The following PDE1C variants were observed in gnomAD, a reference collection of about 807,000 sequenced individuals.
PDE1C encodes the protein dual specificity calcium/calmodulin-dependent 3',5'-cyclic nucleotide phosphodiesterase 1C.
Under a neutral mutation model 93.1 loss-of-function variants are expected in PDE1C, and 62 were observed. That is an observed-to-expected ratio of 0.67 (90% CI 0.54 to 0.82). PDE1C has a LOEUF of 0.82. Ranked by LOEUF, PDE1C falls within the 40% of genes least tolerant of loss-of-function variation. The probability of loss-of-function intolerance (pLI) is 0.00; values close to 1 mark genes in which losing one functional copy is unlikely to be tolerated. For missense variants in PDE1C, 742 were observed against 884.6 expected, an observed-to-expected ratio of 0.84 and a Z score of 2.04; for synonymous variants, 325 against 310.1, an observed-to-expected ratio of 1.05 and a Z score of -0.50.
At chr7:31,866,406 G>C (rs905258812) in intron 6 of PDE1C, among the ~76,000 whole-genome samples, 19 of 152,276 alleles carry the variant, frequency 1.2e-4, no homozygotes, top group South Asian at 2.1e-4. Flanking sequence ...GTTTCACAGA[G>C]ATCTAAGAGT....
intron 2 of PDE1C, among the ~76,000 whole-genome samples, chr7:31,883,000 G>A (rs1230958319): frequency 1.3e-5 from 2 of 152,064 alleles, no homozygotes; most frequent in Non-Finnish European, 1.5e-5. Flanking sequence ...TGATTTCAAA[G>A]AATAAAGAAA....
chr7:31,951,077 G>A (rs528841588), intron 2 of PDE1C, among the ~76,000 whole-genome samples: 2 of 152,200 alleles, frequency 1.3e-5, no homozygotes, highest in East Asian at 1.9e-4. Flanking sequence ...TTTCTCTTGC[G>A]TGTACATATC....
intron 3 of PDE1C, among the ~76,000 whole-genome samples, chr7:32,164,775 C>T (rs1802126702): frequency 6.6e-6 from 1 of 152,194 alleles, no homozygotes; most frequent in Admixed American, 6.5e-5. Flanking sequence ...ACACCAGAGG[C>T]TGGGGAGACA....
intron 3 of PDE1C, among the ~76,000 whole-genome samples, chr7:32,147,272 A>AAAAGAAAGAAAG (rs3078683): frequency 0.022 from 2,131 of 96,562 alleles, 68 homozygotes; most frequent in Admixed American, 0.028. Context: ...AAGAAAGAAA[A>AAAAGAAAGAAAG]AAAGAAAGAA....
chr7:32,408,353 C>A (rs184552728), intron 1 of PDE1C, among the ~76,000 whole-genome samples: 1 of 152,260 alleles, frequency 6.6e-6, no homozygotes, highest in African/African-American at 2.4e-5. Flanking sequence ...CAACCACACA[C>A]AGAGGGAAGA....
the PDE1C span, chr7:31,651,143 G>A: frequency 6.2e-7 from 1 of 1,612,574 alleles, no homozygotes; most frequent in Non-Finnish European, 8.5e-7. Context: ...TGTTCTCAGT[G>A]CACAGTCCAT....
the PDE1C span, among the ~76,000 whole-genome samples, chr7:31,698,904 A>T: frequency 9.2e-5 from 14 of 152,180 alleles, no homozygotes; most frequent in African/African-American, 3.4e-4. Context: ...GAGGCAGAAA[A>T]GACAAATCCA....
At chr7:32,284,916 G>C (rs1811898740) in intron 1 of PDE1C, among the ~76,000 whole-genome samples, 1 of 151,998 alleles carries the variant, frequency 6.6e-6, no homozygotes, top group Non-Finnish European at 1.5e-5. Context: ...TGTAATCCCA[G>C]CTACTTGGGA....
intron 16 of PDE1C, among the ~76,000 whole-genome samples, chr7:31,781,100 G>C (rs988111068): frequency 1.3e-5 from 2 of 152,222 alleles, no homozygotes; most frequent in African/African-American, 4.8e-5. Flanking sequence ...GTGTGGAGAA[G>C]AGGACAGTGA....
At chr7:31,659,092 C>A in the PDE1C span, among the ~76,000 whole-genome samples, 1 of 152,068 alleles carries the variant, frequency 6.6e-6, no homozygotes, top group East Asian at 1.9e-4. Context: ...TATTTTATAA[C>A]TGTGTAGTTG....
intron 3 of PDE1C, among the ~76,000 whole-genome samples, chr7:32,111,278 T>G (rs1211655866): frequency 6.6e-6 from 1 of 152,198 alleles, no homozygotes; most frequent in African/African-American, 2.4e-5. Flanking sequence ...GAGGAGCAGA[T>G]GTGAAGTGAT....
chr7:31,761,826 C>T (rs1794849706), intron 17 of PDE1C, among the ~76,000 whole-genome samples: 1 of 152,196 alleles, frequency 6.6e-6, no homozygotes, highest in East Asian at 1.9e-4. Flanking sequence ...TTTGCAACTC[C>T]TCACCATCCT....
chr7:31,636,602 G>A, the PDE1C span, among the ~76,000 whole-genome samples: 4 of 152,156 alleles, frequency 2.6e-5, no homozygotes, highest in South Asian at 4.2e-4. Flanking sequence ...ATATAGTCTG[G>A]GAGTGGGAGT....
At chr7:31,892,300 G>A (rs917497890) in intron 2 of PDE1C, among the ~76,000 whole-genome samples, 1 of 152,118 alleles carries the variant, frequency 6.6e-6, no homozygotes, top group Non-Finnish European at 1.5e-5. Context: ...CTTGGAGCTT[G>A]GTGAGAACCA....
intron 1 of PDE1C, among the ~76,000 whole-genome samples, chr7:32,371,101 T>A (rs1013555965): frequency 1.3e-5 from 2 of 152,142 alleles, no homozygotes; most frequent in African/African-American, 4.8e-5. Context: ...TCACCCTTAC[T>A]GTGTTCCTTC....
chr7:31,658,458 A>G, the PDE1C span: 1 of 1,358,964 alleles, frequency 7.4e-7, no homozygotes, highest in East Asian at 2.5e-5. Context: ...AAAATAGAAC[A>G]TTTGTAAAGA....
At chr7:32,122,347 T>C (rs1001168568) in intron 3 of PDE1C, among the ~76,000 whole-genome samples, 2 of 152,216 alleles carry the variant, frequency 1.3e-5, no homozygotes, top group Non-Finnish European at 2.9e-5. Context: ...AGACTTGAAG[T>C]CAGTTCTGGA....
chr7:31,671,137 G>T, the PDE1C span, among the ~76,000 whole-genome samples: 2 of 152,140 alleles, frequency 1.3e-5, no homozygotes, highest in Non-Finnish European at 2.9e-5. Context: ...GAACTTGAGT[G>T]CAGCCGCAAA....
At chr7:31,915,716 G>T (rs539429300) in intron 2 of PDE1C, among the ~76,000 whole-genome samples, 1 of 152,240 alleles carries the variant, frequency 6.6e-6, no homozygotes, top group African/African-American at 2.4e-5. Flanking sequence ...AGAACTGTCT[G>T]GTAGATAACA....
Sources: allele counts gnomAD v4.1 joint callset (sites outside exome capture counted in the v4.1 genomes callset), GRCh38; gene constraint gnomAD v4.1.1; transcripts MANE v1.5; gene names NCBI Gene and HGNC (gene_info 2026-07-23, HGNC 2026-07-21).